Variants in CCNH observed in about 807,000 individuals in gnomAD.
CCNH encodes cyclin H.
A neutral mutation model predicts 41.9 loss-of-function variants in CCNH; 31 were observed. The observed-to-expected ratio is 0.74, with a 90% CI of 0.56 to 1.00. CCNH has a LOEUF of 1.00. CCNH is among the 50% of genes least tolerant of loss of function. The pLI is 0.00. For missense variants in CCNH, 362 were observed against 388.4 expected (o/e 0.93, Z 0.57); for synonymous variants, 138 against 136.1 (o/e 1.01, Z -0.10).
chr5:87,330,943 A>G, intron 9 of CCNH: 1 of 1,429,564 alleles, frequency 7.0e-7, no homozygotes, highest in Non-Finnish European at 9.1e-7. Flanking sequence ...CATAGGTTCC[A>G]TGTGCCTTGT....
At chr5:87,349,066 T>G in intron 9 of CCNH, 1 of 986,236 alleles carries the variant, frequency 1.0e-6, no homozygotes. Context: ...CCAGAAAATT[T>G]GAAAGAAATT....
intron 9 of CCNH, among the ~76,000 whole-genome samples, chr5:87,369,396 T>G (rs1760762669): frequency 6.6e-6 from 1 of 152,142 alleles, no homozygotes; most frequent in African/African-American, 2.4e-5. Flanking sequence ...TAGAAAAATT[T>G]GAAAATACAG....
At chr5:87,329,400 C>A (rs899137810) in intron 9 of CCNH, among the ~76,000 whole-genome samples, 1 of 151,952 alleles carries the variant, frequency 6.6e-6, no homozygotes, top group Non-Finnish European at 1.5e-5. Context: ...TGAGATCGTA[C>A]CAGTGTACTC....
At chr5:87,397,053 A>G (rs1763021726) in intron 7 of CCNH, among the ~76,000 whole-genome samples, 1 of 152,224 alleles carries the variant, frequency 6.6e-6, no homozygotes, top group South Asian at 2.1e-4. Context: ...AAGGAAAACA[A>G]ATATTTAGTC....
chr5:87,381,097 TATAA>T (rs1580397327), upstream of CCNH, among the ~76,000 whole-genome samples: 1 of 152,222 alleles, frequency 6.6e-6, no homozygotes, highest in South Asian at 2.1e-4. Context: ...TGGGAGCTTA[TATAA>T]AGGGACTTCA....
intron 9 of CCNH, chr5:87,346,770 T>TA: frequency 1.4e-6 from 2 of 1,386,218 alleles, no homozygotes; most frequent in Non-Finnish European, 1.0e-6. Flanking sequence ...TTAAAGAGAA[T>TA]AAAAAAGTGA....
chr5:87,392,841 G>C (rs1409418162), downstream of CCNH: 1 of 153,912 alleles, frequency 6.5e-6, no homozygotes, highest in African/African-American at 2.4e-5. Context: ...GTTTTTAATG[G>C]GGCTGGGTGG....
upstream of CCNH, chr5:87,379,873 G>C: frequency 6.2e-7 from 1 of 1,606,674 alleles, no homozygotes; most frequent in Non-Finnish European, 8.5e-7. Flanking sequence ...ATTTTCATTT[G>C]ACAAGAAATT....
intron 9 of CCNH, among the ~76,000 whole-genome samples, chr5:87,369,528 G>C (rs1760772734): frequency 6.6e-6 from 1 of 152,032 alleles, no homozygotes; most frequent in Non-Finnish European, 1.5e-5. Context: ...TAGCAGTTCA[G>C]CTTCAATCTG....
At chr5:87,405,927 G>GT (rs1763755774) in intron 4 of CCNH, among the ~76,000 whole-genome samples, 1 of 151,996 alleles carries the variant, frequency 6.6e-6, no homozygotes, top group Non-Finnish European at 1.5e-5. Flanking sequence ...CAGAAGTCTG[G>GT]TAATGTTACT....
intron 1 of CCNH, 77 bp from the exon 2 acceptor site, chr5:87,411,423 G>A: frequency 7.0e-7 from 1 of 1,420,700 alleles, no homozygotes; most frequent in Non-Finnish European, 9.4e-7. Flanking sequence ...TCTCTATCTA[G>A]ATTAAATTTA....
upstream of CCNH, chr5:87,378,658 A>G (rs1761489431): frequency 9.8e-7 from 1 of 1,024,184 alleles, no homozygotes; most frequent in African/African-American, 1.6e-5. Flanking sequence ...TCCTCATAGC[A>G]GTTACACCTG....
intron 9 of CCNH, chr5:87,369,962 C>T: frequency 1.5e-6 from 2 of 1,341,968 alleles, no homozygotes; most frequent in Non-Finnish European, 2.1e-6. Context: ...TTCTTATTAA[C>T]TGGAATAGAA....
At chr5:87,342,097 T>G (rs752289372) in intron 9 of CCNH, among the ~76,000 whole-genome samples, 1 of 152,100 alleles carries the variant, frequency 6.6e-6, no homozygotes, top group Non-Finnish European at 1.5e-5. Context: ...CCCTGCTGTT[T>G]GTATTAGTTT....
intron 9 of CCNH, chr5:87,349,065 T>A (rs772898676): frequency 1.1e-4 from 108 of 981,012 alleles, no homozygotes; most frequent in Non-Finnish European, 1.5e-4. Context: ...ACCAGAAAAT[T>A]TGAAAGAAAT....
intron 2 of CCNH, 30 bp downstream of exon 2, chr5:87,411,194 A>G (rs1764207284): frequency 6.3e-7 from 1 of 1,590,640 alleles, no homozygotes; most frequent in Non-Finnish European, 8.5e-7. Context: ...CAACTAAAGG[A>G]CATTATATTT....
chr5:87,369,546 C>T (rs1760777199), intron 9 of CCNH, among the ~76,000 whole-genome samples: 1 of 151,996 alleles, frequency 6.6e-6, no homozygotes, highest in Non-Finnish European at 1.5e-5. Context: ...CTGTTTGTAA[C>T]TTTATTTCTA....
At chr5:87,345,510 C>T (rs1205306914) in intron 9 of CCNH, among the ~76,000 whole-genome samples, 4 of 152,096 alleles carry the variant, frequency 2.6e-5, no homozygotes. Flanking sequence ...AACCTCACTA[C>T]TTGTAGTCTG....
At chr5:87,403,070 T>C (rs1367135463) in intron 5 of CCNH, among the ~76,000 whole-genome samples, 4 of 152,234 alleles carry the variant, frequency 2.6e-5, no homozygotes, top group Non-Finnish European at 5.9e-5. Flanking sequence ...AATAATCCTA[T>C]GATTAATAAT....
Sources: allele counts gnomAD v4.1 joint callset (sites outside exome capture counted in the v4.1 genomes callset), GRCh38; gene constraint gnomAD v4.1.1; transcripts MANE v1.5; gene names NCBI Gene and HGNC (gene_info 2026-07-23, HGNC 2026-07-21).